LAX1: variants seen among roughly 807,000 people sequenced by gnomAD.
LAX1 encodes the protein lymphocyte transmembrane adapter 1.
In LAX1, 17 loss-of-function variants were observed where a neutral mutation model predicts 20.7. The observed-to-expected ratio is 0.82, with a 90% CI of 0.56 to 1.23. The LOEUF is 1.23. Among genes scored for constraint, LAX1 ranks in the 50% most tolerant of loss-of-function variants. LAX1 has a pLI of 0.00. For missense variants in LAX1, 470 were observed against 487.0 expected, an observed-to-expected ratio of 0.97 and a Z score of 0.33; for synonymous variants, 165 against 181.0, an observed-to-expected ratio of 0.91 and a Z score of 0.71.
intron 1 of LAX1, among the ~76,000 whole-genome samples, chr1:203,768,095 A>G (rs12406168): frequency 0.35 from 52,455 of 152,034 alleles, 10,532 homozygotes; most frequent in East Asian, 0.89. Context: ...CAGATCACCC[A>G]AAGTCAGGAG....
chr1:203,765,687 C>A, intron 1 of LAX1, 33 bp downstream of exon 1: 8 of 1,598,732 alleles, frequency 5.0e-6, no homozygotes, highest in Non-Finnish European at 6.0e-6. Context: ...CTCCACCCTG[C>A]CCTGATTTAG....
chr1:203,767,204 G>C (rs1322517628), intron 1 of LAX1, among the ~76,000 whole-genome samples: 1 of 150,098 alleles, frequency 6.7e-6, no homozygotes, highest in Admixed American at 6.7e-5. Context: ...TTATACAACA[G>C]ATCCCTTGAA....
chr1:203,773,539 T>G (rs1667454529), intron 4 of LAX1, among the ~76,000 whole-genome samples: 2 of 151,716 alleles, frequency 1.3e-5, no homozygotes. Flanking sequence ...CACCGAGAGA[T>G]TAGGTCAGGT....
intron 1 of LAX1, among the ~76,000 whole-genome samples, chr1:203,769,343 G>A (rs1373076231): frequency 2.7e-5 from 4 of 149,296 alleles, no homozygotes; most frequent in African/African-American, 9.9e-5. Context: ...AGTGAGCCAA[G>A]ATCATGCCAC....
chr1:203,773,448 CCTT>C (rs915428135), intron 4 of LAX1, among the ~76,000 whole-genome samples: 11 of 151,930 alleles, frequency 7.2e-5, no homozygotes, highest in Non-Finnish European at 1.5e-4. Flanking sequence ...GAGCGAAACT[CCTT>C]CTCAAAAACA....
chr1:203,772,643 G>T (rs190531006), intron 4 of LAX1, among the ~76,000 whole-genome samples: 1 of 151,808 alleles, frequency 6.6e-6, no homozygotes, highest in African/African-American at 2.4e-5. Flanking sequence ...GGCCAGGATG[G>T]TCTCAATCTC....
At chr1:203,772,923 G>A (rs976703141) in intron 4 of LAX1, among the ~76,000 whole-genome samples, 1 of 152,028 alleles carries the variant, frequency 6.6e-6, no homozygotes, top group Admixed American at 6.6e-5. Flanking sequence ...CAATCTGCCC[G>A]CCTTGGCCTC....
At chr1:203,770,580 G>T (rs1268853665) in intron 1 of LAX1, among the ~76,000 whole-genome samples, 1 of 150,278 alleles carries the variant, frequency 6.7e-6, no homozygotes, top group African/African-American at 2.4e-5. Flanking sequence ...AGATTAATAA[G>T]TTTCACATGT....
At position 203,772,199 on chromosome 1, in the gene LAX1, G is replaced by A. The variant is rs555232795; in HGVS notation, c.390+52G>A. ...GACATGTCTCTGGCAGAAGAACTGC[G>A]GGGAAAGAGTTATAGGGCTTAGATC... On this transcript the variant is annotated intron_variant, in intron 4 of 4. Coordinates refer to ENST00000442561, the MANE Select transcript of LAX1 (RefSeq NM_017773.4). The A allele has an allele frequency of 3.9e-5, 54 of 1,385,712 alleles. 1 individual carries two copies. In the East Asian group the frequency reaches 9.4e-4, roughly 24 times the overall value. The allele number at this position is 1,385,712 out of a possible 1,614,324, so 85.8% of individuals were successfully genotyped here.
chr1:203,770,459 AAG>A (rs1558070611), intron 1 of LAX1, among the ~76,000 whole-genome samples: 950 of 10,396 alleles, frequency 0.091, 121 homozygotes, highest in African/African-American at 0.1. Context: ...GAGAGAAAGG[AAG>A]GAAGGAAGGA....
intron 1 of LAX1, among the ~76,000 whole-genome samples, chr1:203,770,310 G>A (rs1211791795): frequency 6.6e-6 from 1 of 150,826 alleles, no homozygotes; most frequent in Non-Finnish European, 1.5e-5. Context: ...CAGCTACTCT[G>A]GAGGCTGAGG....
At chr1:203,770,553 G>T (rs1462385969) in intron 1 of LAX1, among the ~76,000 whole-genome samples, 1 of 142,402 alleles carries the variant, frequency 7.0e-6, no homozygotes, top group African/African-American at 2.6e-5. Flanking sequence ...AAGAAAGAAA[G>T]AAAGAAAGAA....
Position 203,774,913 on chromosome 1 carries a change from T to C in LAX1, c.*232T>C. The C allele has an allele frequency of 1.8e-6, 1 of 546,570 alleles. No individual in the cohort carries two copies. The highest frequency in any genetic ancestry group is 3.2e-6 in the Non-Finnish European group (1 of 309,762). 33.9% of individuals were successfully genotyped at this position (546,570 alleles called of 1,614,324 possible). ...AGTGTGGTTATCTCCTGTACCAGCC[T>C]AAGAATGTTTGCTGAAACTGCTTCC... is the stretch of plus-strand genomic sequence containing the variant. On this transcript the variant is annotated 3_prime_UTR_variant, in exon 5 of 5. Coordinates refer to ENST00000442561, the MANE Select transcript of LAX1 (RefSeq NM_017773.4).
In LAX1 at chr1:203,774,590, A is replaced by G; in HGVS notation, c.1106A>G (p.Asp369Gly). ...MKHREEMSNE[D>G]SSDYENVLTA... Reference sequence around the variant, plus strand: ...CATAGAGAAGAGATGTCAAATGAGGACTCCAGTGACTATGAAAATGTGCTA... The same window carrying G: ...CATAGAGAAGAGATGTCAAATGAGGGCTCCAGTGACTATGAAAATGTGCTA... The change falls in exon 5 of 5, where the codon GAC becomes GGC. Residue 369 changes from aspartate (D) to glycine (G), a missense_variant. By Grantham distance (94) the Asp-to-Gly change is moderately conservative (BLOSUM62 -1). Transcript: ENST00000442561. 1 of 1,614,086 alleles carries G rather than the reference A, an allele frequency of 6.2e-7. No individual in the cohort carries two copies. Among genetic ancestry groups the G allele is most frequent in the Non-Finnish European group, 8.5e-7 (1 of 1,180,012 alleles).
chr1:203,766,594 A>G (rs1667307207), intron 1 of LAX1, among the ~76,000 whole-genome samples: 1 of 152,260 alleles, frequency 6.6e-6, no homozygotes, highest in Non-Finnish European at 1.5e-5. Context: ...AGCCTGAAGC[A>G]TCTCTCCAAA....
chr1:203,768,624 G>A (rs374575008), intron 1 of LAX1, among the ~76,000 whole-genome samples: 35 of 152,306 alleles, frequency 2.3e-4, no homozygotes, highest in East Asian at 1.4e-3. Flanking sequence ...ATATCGTGCC[G>A]TCAAGTCCTC....
rs72071580 is a variant in LAX1 at position 203,770,433 on chromosome 1, A to AAGAGAGAGAGAGAG, written c.90-387_90-374dup. 3.5e-3 allele frequency among the ~76,000 whole-genome samples: 158 copies of AAGAGAGAGAGAGAG among 44,904 alleles called. 28 individuals carry two copies. In the East Asian group the frequency reaches 0.1, roughly 29 times the overall value. The allele number at this position is 44,904 out of a possible 152,430, so 29.5% of individuals were successfully genotyped here. A position where few individuals can be genotyped will look rare whatever the true frequency, so the allele number is the denominator to read the frequency against. On this transcript the variant is annotated intron_variant, in intron 1 of 4. Transcript: ENST00000442561. ...TCCATCAAAAAGAAAGAAAGAAAGA[A>AAGAGAGAGAGAGAG]AGAGAGAGAGAGAGAGAGAGAAAGG... is the stretch of plus-strand genomic sequence containing the variant.
rs755164305 is a variant in LAX1, at chr1:203,767,303, CTTTTTTT to C, written c.89+1664_89+1670del. On this transcript the variant is annotated intron_variant, in intron 1 of 4. Transcript: ENST00000442561. ...GTAACCACCATTCTACTCTCCACTT[CTTTTTTT>C]TTTTTTTTTTTTTTGAGACAAAGTT... Among the ~76,000 whole-genome samples, 2 of 90,446 alleles carry C rather than the reference CTTTTTTT, an allele frequency of 2.2e-5. 1 individual carries two copies. Among genetic ancestry groups the C allele is most frequent in the East Asian group, 1.6e-3 (2 of 1,252 alleles). 59.3% of individuals were successfully genotyped at this position (90,446 alleles called of 152,430 possible). A position where few individuals can be genotyped will look rare whatever the true frequency, so the allele number is the denominator to read the frequency against.
At position 203,774,375 on chromosome 1, in the gene LAX1, T is replaced by G. The variant is rs770421330; in HGVS notation, c.891T>G (p.Val297=). The G allele has an allele frequency of 1.2e-6, 2 of 1,614,104 alleles. No individual in the cohort carries two copies. The highest frequency in any genetic ancestry group is 1.7e-5 in the Admixed American group (1 of 60,002). Residue 297 remains valine (V), a synonymous_variant, in exon 5 of 5, where the codon GTT becomes GTG. Coordinates refer to ENST00000442561, the MANE Select transcript of LAX1 (RefSeq NM_017773.4). The part of the protein sequence containing the change: ...AFQCCRDYEN[V]PAADPSGSQQ... ...AGTGCTGCAGAGACTATGAAAATGT[T>G]CCAGCAGCAGATCCCAGTGGAAGCC... is the stretch of plus-strand genomic sequence containing the variant.
Sources: allele counts gnomAD v4.1 joint callset (sites outside exome capture counted in the v4.1 genomes callset), GRCh38; gene constraint gnomAD v4.1.1; transcripts MANE v1.5; gene names NCBI Gene and HGNC (gene_info 2026-07-23, HGNC 2026-07-21).